The following ARFGEF3 variants were observed in gnomAD, a reference collection of about 807,000 sequenced individuals.
ARFGEF3 encodes ARFGEF family member 3, also known as brefeldin A-inhibited guanine nucleotide-exchange protein 3.
A neutral mutation model predicts 221.7 loss-of-function variants in ARFGEF3; 96 were observed. That is an observed-to-expected ratio of 0.43 (90% CI 0.37 to 0.51). The LOEUF is 0.51. ARFGEF3 is among the 20% of genes least tolerant of loss of function. The probability of loss-of-function intolerance (pLI) is 0.00; values close to 1 mark genes in which losing one functional copy is unlikely to be tolerated. For missense variants in ARFGEF3, 2,410 were observed against 2,789.9 expected, an observed-to-expected ratio of 0.86 and a Z score of 3.07; for synonymous variants, 1,145 against 1,126.8, an observed-to-expected ratio of 1.02 and a Z score of -0.32.
In ARFGEF3 at chr6:138,335,027, T is replaced by C. The variant is rs756327622; in HGVS notation, c.6181T>C (p.Ser2061Pro). 2 of 1,592,978 alleles carry C rather than the reference T, an allele frequency of 1.3e-6. No individual in the cohort carries two copies. Among genetic ancestry groups the C allele is most frequent in the Non-Finnish European group, 1.7e-6 (2 of 1,170,522 alleles). ...GEPLGPRGQD[S>P]PLLQRPQHLM... ...GCCACTGGGTCCCAGGGGCCAGGAC[T>C]CCCCGCTGCTTCAGCGTCCCCAGCA... is the stretch of plus-strand genomic sequence containing the variant. The change falls in exon 33 of 34, where the codon TCC becomes CCC. Residue 2061 changes from serine to proline, a missense_variant. Transcript: ENST00000251691.
intron 2 of ARFGEF3, among the ~76,000 whole-genome samples, chr6:138,203,094 T>G (rs940502190): frequency 2.6e-5 from 4 of 152,178 alleles, no homozygotes; most frequent in African/African-American, 4.8e-5. Flanking sequence ...TTTGGGGACC[T>G]GTGGATTCCC....
chr6:138,180,603 G>A (rs551253762), intron 2 of ARFGEF3, among the ~76,000 whole-genome samples: 6 of 152,188 alleles, frequency 3.9e-5, no homozygotes, highest in Admixed American at 6.5e-5. Flanking sequence ...AAAAAAAGGC[G>A]GGCAGGTTGG....
At position 138,263,329 on chromosome 6, in the gene ARFGEF3, A is replaced by G. The variant is rs374263641; in HGVS notation, c.1846A>G (p.Met616Val). The G allele has an allele frequency of 9.3e-6, 15 of 1,613,920 alleles. No homozygotes were observed. The highest frequency in any genetic ancestry group is 6.7e-5 in the East Asian group (3 of 44,894). Residue 616 changes from methionine to valine, a missense_variant, in exon 12 of 34, where the codon ATG becomes GTG. Around this residue, in one of 5 missense-constraint regions of ARFGEF3, gnomAD observed 594 missense variants for 734.3 expected, o/e 0.81. Transcript: ENST00000251691. ...GTTTGATTCCTGTGATCAGTACTCT[A>G]TGGCAGCAGAAAAGGACTCGGGCAG... is the stretch of plus-strand genomic sequence containing the variant. The part of the protein sequence containing the change: ...TEFDSCDQYS[M>V]AAEKDSGRSD...
At chr6:138,208,877 G>A (rs1229227341) in intron 3 of ARFGEF3, among the ~76,000 whole-genome samples, 2 of 152,188 alleles carry the variant, frequency 1.3e-5, no homozygotes, top group African/African-American at 4.8e-5. Flanking sequence ...GAGGTTTAGT[G>A]TGGAGAAGAC....
At chr6:138,230,133 C>A (rs1470621715) in intron 5 of ARFGEF3, among the ~76,000 whole-genome samples, 1 of 152,060 alleles carries the variant, frequency 6.6e-6, no homozygotes, top group Non-Finnish European at 1.5e-5. Context: ...CCTGCTCCAC[C>A]CAGGCGTATT....
chr6:138,197,875 G>T, intron 2 of ARFGEF3, among the ~76,000 whole-genome samples: 1 of 152,132 alleles, frequency 6.6e-6, no homozygotes, highest in East Asian at 1.9e-4. Context: ...GTATACTCTA[G>T]AGTTATTGTA....
At chr6:138,177,370 C>T (rs1442532844) in intron 2 of ARFGEF3, among the ~76,000 whole-genome samples, 2 of 152,136 alleles carry the variant, frequency 1.3e-5, no homozygotes, top group Non-Finnish European at 2.9e-5. Flanking sequence ...TCACCTGCCT[C>T]AGCTTCCCAA....
chr6:138,229,774 C>A lies in ARFGEF3; in HGVS notation c.352-10C>A. 2 of 1,610,616 alleles carry A rather than the reference C, an allele frequency of 1.2e-6. No homozygotes were observed. The highest frequency in any genetic ancestry group is 3.3e-4 in the Middle Eastern group (2 of 6,050). ...CCTTGTCTCTTCTTTCATCTCTCAC[C>A]TTGTTAAAGGTTTTACTATGCATCA... is the stretch of plus-strand genomic sequence containing the variant. On this transcript the variant is annotated splice_polypyrimidine_tract_variant and intron_variant, in intron 4 of 33. Transcript: ENST00000251691.
chr6:138,195,832 G>T (rs1349830228), intron 2 of ARFGEF3, among the ~76,000 whole-genome samples: 2 of 152,058 alleles, frequency 1.3e-5, no homozygotes, highest in Non-Finnish European at 2.9e-5. Flanking sequence ...GCTTTCCACG[G>T]TGCCATGAGA....
At chr6:138,217,817 G>A in intron 4 of ARFGEF3, 2 of 924,772 alleles carry the variant, frequency 2.2e-6, no homozygotes, top group Non-Finnish European at 3.0e-6. Flanking sequence ...ATCAACATGG[G>A]TTTGTATTTT....
chr6:138,246,104 T>C (rs937314574), intron 8 of ARFGEF3, among the ~76,000 whole-genome samples: 1 of 152,254 alleles, frequency 6.6e-6, no homozygotes, highest in Non-Finnish European at 1.5e-5. Flanking sequence ...TGTTTTGTTT[T>C]GCGTATCAGC....
rs758419671 is a variant in ARFGEF3, at chr6:138,263,359, G to A, written c.1876G>A (p.Asp626Asn). ...MAAEKDSGRS[D>N]VSDIGSDNCS... is the part of the protein sequence containing the mutation. The stretch of plus-strand genomic sequence containing the variant: ...AGCAGAAAAGGACTCGGGCAGGTCC[G>A]ACGTGTCAGACATTGGGTCGGACAA... The change falls in exon 12 of 34, where the codon GAC (aspartate) becomes AAC (asparagine). Residue 626 changes from aspartate to asparagine, a missense_variant. Around this residue, in one of 5 missense-constraint regions of ARFGEF3, gnomAD observed 594 missense variants for 734.3 expected, o/e 0.81. Transcript: ENST00000251691. The A allele has an allele frequency of 5.0e-6, 8 of 1,613,902 alleles. No homozygotes were observed. Among genetic ancestry groups the A allele is most frequent in the Admixed American group, 3.3e-5 (2 of 60,008 alleles).
At chr6:138,328,180 A>G (rs758662580) in intron 32 of ARFGEF3, 38 bp downstream of exon 32, 28 of 1,547,476 alleles carry the variant, frequency 1.8e-5, no homozygotes, top group Non-Finnish European at 2.3e-5. Context: ...GTGCTTATAA[A>G]TAAGAATGTT....
chr6:138,267,560 G>A (rs1225859967), intron 12 of ARFGEF3, among the ~76,000 whole-genome samples: 1 of 152,176 alleles, frequency 6.6e-6, no homozygotes, highest in Non-Finnish European at 1.5e-5. Context: ...TTGTCACAGT[G>A]GTGAGGACTG....
intron 21 of ARFGEF3, among the ~76,000 whole-genome samples, chr6:138,298,374 C>T (rs2076265): frequency 0.23 from 34,687 of 152,156 alleles, 4,538 homozygotes; most frequent in East Asian, 0.45. Flanking sequence ...CGGAAACTTT[C>T]CTTTTTCTAG....
chr6:138,178,152 A>G (rs1252042783), intron 2 of ARFGEF3, among the ~76,000 whole-genome samples: 1 of 152,078 alleles, frequency 6.6e-6, no homozygotes, highest in Non-Finnish European at 1.5e-5. Context: ...TGTGACTATG[A>G]TGTTGGTCGG....
chr6:138,295,150 G>T (rs1270724213), intron 20 of ARFGEF3, among the ~76,000 whole-genome samples: 1 of 152,100 alleles, frequency 6.6e-6, no homozygotes, highest in African/African-American at 2.4e-5. Context: ...ATGAGCAGGG[G>T]CCAGGAAGGG....
chr6:138,212,135 T>G (rs1777738878), intron 4 of ARFGEF3, among the ~76,000 whole-genome samples: 1 of 152,260 alleles, frequency 6.6e-6, no homozygotes, highest in Non-Finnish European at 1.5e-5. Flanking sequence ...CTGTATACAT[T>G]GTGGAATGCT....
intron 31 of ARFGEF3, among the ~76,000 whole-genome samples, chr6:138,327,785 A>T (rs952063402): frequency 6.6e-6 from 1 of 152,234 alleles, no homozygotes; most frequent in Non-Finnish European, 1.5e-5. Context: ...TAGAACTAGT[A>T]GCATTGCTGG....
Sources: gnomAD v4.1 joint callset for allele counts (sites outside exome capture counted in the v4.1 genomes callset) on GRCh38, gnomAD v4.1.1 for gene constraint, gnomAD v4.1.1 regional missense constraint, MANE v1.5 for transcripts, NCBI Gene and HGNC (gene_info 2026-07-23, HGNC 2026-07-21) for gene names.